The following TAF8 variants were observed in gnomAD, a reference collection of about 807,000 sequenced individuals.
TAF8 encodes TATA-box binding protein associated factor 8, also known as transcription initiation factor TFIID subunit 8.
Under a neutral mutation model 36.5 loss-of-function variants are expected in TAF8, and 47 were observed. The ratio of observed to expected loss-of-function variants is 1.29; its 90% CI spans 1.02 to 1.64. The LOEUF (loss-of-function observed/expected upper bound fraction) is 1.64. Among genes scored for constraint, TAF8 ranks in the 40% most tolerant of loss-of-function variants. The pLI, the probability that TAF8 is intolerant of heterozygous loss-of-function variation, is 0.00. For synonymous variants in TAF8, 175 were observed against 159.5 expected, an observed-to-expected ratio of 1.10 and a Z score of -0.73; for missense variants, 420 against 407.6, an observed-to-expected ratio of 1.03 and a Z score of -0.26.
At chr6:42,076,313 C>G (rs1227066300) in intron 7 of TAF8, among the ~76,000 whole-genome samples, 2 of 151,546 alleles carry the variant, frequency 1.3e-5, no homozygotes, top group Non-Finnish European at 2.9e-5. Context: ...AGCCGGGCGT[C>G]ATGGCACATG....
At chr6:42,050,619 A>T (rs1165277045) in intron 1 of TAF8, 33 bp downstream of exon 1, 1 of 1,537,160 alleles carries the variant, frequency 6.5e-7, no homozygotes, top group Admixed American at 2.2e-5. Flanking sequence ...CGGAGCCGAG[A>T]GAGTTTGGGT....
rs576077048 is a variant in TAF8, at chr6:42,079,193, T to C, written c.*1648T>C. 8 of 985,504 alleles carry C rather than the reference T, an allele frequency of 8.1e-6. No homozygotes were observed. In the African/African-American group the frequency reaches 1.4e-4, roughly 17 times the overall value. 61.0% of individuals were successfully genotyped at this position (985,504 alleles called of 1,614,324 possible). ...GGGGTGAGGGTGGGGTGTTGAGGGC[T>C]GGGCCTCATCTTGTATTCTGAAAGC... On this transcript the variant is annotated 3_prime_UTR_variant, in exon 9 of 9. Transcript: ENST00000372977.
chr6:42,087,230 G>A (rs766047467), downstream of TAF8: 1 of 179,422 alleles, frequency 5.6e-6, no homozygotes, highest in Non-Finnish European at 1.2e-5. Flanking sequence ...CATATAGCCA[G>A]CTCCAACCCA....
chr6:42,052,889 G>T (rs1404432708), intron 2 of TAF8, among the ~76,000 whole-genome samples: 1 of 152,092 alleles, frequency 6.6e-6, no homozygotes, highest in Non-Finnish European at 1.5e-5. Flanking sequence ...GAGCATTATT[G>T]CCCATCAAGC....
At position 42,074,139 on chromosome 6, in the gene TAF8, A is replaced by T. The variant is rs571870632; in HGVS notation, c.781-2961A>T. Reference sequence around the variant, plus strand: ...CCTGTTTAAAAATAAAAGAAAGAAAACAAGCAAGAATGACCACAGAGTTTG... The same window carrying T: ...CCTGTTTAAAAATAAAAGAAAGAAATCAAGCAAGAATGACCACAGAGTTTG... On this transcript the variant is annotated intron_variant, in intron 7 of 8. Coordinates refer to ENST00000372977, the MANE Select transcript of TAF8 (RefSeq NM_138572.3). Among the ~76,000 whole-genome samples, 5 of 152,158 alleles carry T rather than the reference A, an allele frequency of 3.3e-5. No homozygotes were observed. In the East Asian group the frequency reaches 5.8e-4, roughly 18 times the overall value.
chr6:42,067,825 A>G (rs1456591173), intron 6 of TAF8, among the ~76,000 whole-genome samples: 2 of 151,870 alleles, frequency 1.3e-5, no homozygotes, highest in Non-Finnish European at 2.9e-5. Flanking sequence ...TCAGCCTCCC[A>G]CAGTGCTAGG....
At chr6:42,068,849 T>C (rs1165231991) in intron 7 of TAF8, among the ~76,000 whole-genome samples, 1 of 152,090 alleles carries the variant, frequency 6.6e-6, no homozygotes, top group African/African-American at 2.4e-5. Context: ...GGGATATTAG[T>C]AGGAAGCCAA....
At chr6:42,076,249 G>C (rs1765743983) in intron 7 of TAF8, among the ~76,000 whole-genome samples, 1 of 150,672 alleles carries the variant, frequency 6.6e-6, no homozygotes, top group African/African-American at 2.4e-5. Context: ...CTCGGAGTTC[G>C]AGACTAGCCT....
chr6:42,059,227 CA>C (rs1263625112), intron 5 of TAF8, among the ~76,000 whole-genome samples: 1 of 151,402 alleles, frequency 6.6e-6, no homozygotes, highest in Non-Finnish European at 1.5e-5. Context: ...ACTAAAAATA[CA>C]AAAAATCAGC....
At chr6:42,051,604 C>G in intron 2 of TAF8, 91 bp downstream of exon 2, 1 of 1,449,758 alleles carries the variant, frequency 6.9e-7, no homozygotes, top group African/African-American at 1.4e-5. Flanking sequence ...ATTTAAGAAA[C>G]AAACTTTTTT....
chr6:42,070,054 A>T (rs1490274781), intron 7 of TAF8, among the ~76,000 whole-genome samples: 1 of 152,204 alleles, frequency 6.6e-6, no homozygotes. Flanking sequence ...GATGAGAGCC[A>T]TTTCAGTAAG....
chr6:42,055,720 C>A (rs767762202), intron 3 of TAF8, 91 bp downstream of exon 3: 2 of 1,047,284 alleles, frequency 1.9e-6, no homozygotes. Flanking sequence ...CTTGGTTTCC[C>A]TCATGGTTCT....
intron 2 of TAF8, among the ~76,000 whole-genome samples, chr6:42,054,749 T>G (rs1764914571): frequency 6.6e-6 from 1 of 150,834 alleles, no homozygotes. Flanking sequence ...GGATTACAGG[T>G]GTGTGCCACC....
At chr6:42,072,005 A>G (rs944529355) in intron 7 of TAF8, among the ~76,000 whole-genome samples, 7 of 152,220 alleles carry the variant, frequency 4.6e-5, no homozygotes, top group Non-Finnish European at 8.8e-5. Flanking sequence ...TGAGTCTTAG[A>G]GTCAGACTTG....
chr6:42,064,510 C>T (rs911457270), intron 5 of TAF8, among the ~76,000 whole-genome samples: 1 of 152,150 alleles, frequency 6.6e-6, no homozygotes, highest in African/African-American at 2.4e-5. Flanking sequence ...CCGCCTCGGC[C>T]TCCCAAAGTG....
intron 2 of TAF8, among the ~76,000 whole-genome samples, chr6:42,053,179 A>G (rs1019887292): frequency 6.6e-6 from 1 of 152,150 alleles, no homozygotes; most frequent in Non-Finnish European, 1.5e-5. Flanking sequence ...GGCATGTGCC[A>G]CCACACCCAG....
chr6:42,080,023 T>G lies in TAF8; in HGVS notation c.*2478T>G, dbSNP rs1478134706. 3 of 985,176 alleles carry G rather than the reference T, an allele frequency of 3.0e-6. No individual in the cohort carries two copies. The East Asian group carries it at 3.4e-4, about 112-fold the overall frequency. 61.0% of individuals were successfully genotyped at this position (985,176 alleles called of 1,614,324 possible). On this transcript the variant is annotated 3_prime_UTR_variant, in exon 9 of 9. Transcript: ENST00000372977. ...AAAAAAAAAAATTGGATTCCCCAACTGGACTAAATAGGAGTTTTTCAGGTT... is the reference window on the plus strand; with the variant it reads ...AAAAAAAAAAATTGGATTCCCCAACGGGACTAAATAGGAGTTTTTCAGGTT...
chr6:42,072,840 A>G (rs1765625682), intron 7 of TAF8, among the ~76,000 whole-genome samples: 1 of 151,410 alleles, frequency 6.6e-6, no homozygotes. Context: ...CTCCTGCCTC[A>G]GCCTCCCCAG....
chr6:42,052,673 G>T (rs1399659120), intron 2 of TAF8, among the ~76,000 whole-genome samples: 1 of 152,178 alleles, frequency 6.6e-6, no homozygotes, highest in Non-Finnish European at 1.5e-5. Context: ...CCCGGGTGTG[G>T]TCTTACAGAG....
Sources: allele counts gnomAD v4.1 joint callset (sites outside exome capture counted in the v4.1 genomes callset), GRCh38; gene constraint gnomAD v4.1.1; transcripts MANE v1.5; gene names NCBI Gene and HGNC (gene_info 2026-07-23, HGNC 2026-07-21).